The following UNK variants were observed in gnomAD, a reference collection of about 807,000 sequenced individuals.
The protein encoded by UNK is RING finger protein unkempt homolog.
In UNK, 32 loss-of-function variants were observed where a neutral mutation model predicts 97.6. The observed-to-expected ratio is 0.33, with a 90% CI of 0.25 to 0.44. The LOEUF (loss-of-function observed/expected upper bound fraction) is 0.44, where lower values mean the gene tolerates loss of function less well. Among genes scored for constraint, UNK ranks in the 20% least tolerant of loss-of-function variants. UNK has a pLI of 1.00. For synonymous variants in UNK, 441 were observed against 461.2 expected (o/e 0.96, Z 0.56); for missense variants, 771 against 1,098.4 (o/e 0.70, Z 4.21).
intron 1 of UNK, among the ~76,000 whole-genome samples, chr17:75,802,140 G>A (rs1316221939): frequency 1.3e-5 from 2 of 150,878 alleles, no homozygotes; most frequent in South Asian, 2.1e-4. Context: ...GAGCCACTGC[G>A]CCTGACCTAA....
intron 1 of UNK, chr17:75,809,105 C>T (rs1023267292): frequency 1.6e-3 from 3 of 1,850 alleles, no homozygotes; most frequent in South Asian, 0.053. Context: ...GGGGCGGGGG[C>T]GGGGGGGCGG....
chr17:75,801,283 T>TC (rs2061855386), intron 1 of UNK, among the ~76,000 whole-genome samples: 2 of 152,144 alleles, frequency 1.3e-5, no homozygotes, highest in Admixed American at 6.6e-5. Flanking sequence ...AAAATGCACT[T>TC]CAAGTATTTT....
chr17:75,820,134 G>A lies in UNK; in HGVS notation c.1837+26G>A, dbSNP rs750066051. 2.5e-6 allele frequency: 4 copies of A among 1,587,772 alleles called. No individual in the cohort carries two copies. In the African/African-American group the frequency reaches 5.4e-5, roughly 21 times the overall value. On this transcript the variant is annotated intron_variant, in intron 13 of 15. Coordinates refer to ENST00000589666, the MANE Select transcript of UNK (RefSeq NM_001080419.3). ...GTAAGAGAGGGAGTGGTTCACTCAG[G>A]AGAACTGGGGCAGGAACCTGCGCCT...
chr17:75,799,500 G>T (rs969825348), intron 1 of UNK, among the ~76,000 whole-genome samples: 3 of 152,188 alleles, frequency 2.0e-5, no homozygotes, highest in Non-Finnish European at 4.4e-5. Context: ...TAAGTCAGAG[G>T]TTGGAGTTGC....
intron 1 of UNK, among the ~76,000 whole-genome samples, chr17:75,788,671 A>T (rs1567791990): frequency 2.7e-5 from 4 of 149,866 alleles, no homozygotes; most frequent in African/African-American, 9.8e-5. Context: ...TTTATTTTTA[A>T]TTTTTTTTTT....
intron 1 of UNK, among the ~76,000 whole-genome samples, chr17:75,791,079 C>T (rs1430275457): frequency 2.6e-5 from 4 of 152,178 alleles, no homozygotes; most frequent in Admixed American, 1.3e-4. Flanking sequence ...TGACTGCAGT[C>T]GGTTCTCAGA....
intron 1 of UNK, chr17:75,792,520 A>G (rs1028420432): frequency 5.1e-6 from 5 of 977,956 alleles, no homozygotes; most frequent in African/African-American, 3.5e-5. Flanking sequence ...TAAAAATTAC[A>G]TTAGCCTAAT....
chr17:75,820,822 G>A (rs1040016851), intron 13 of UNK, among the ~76,000 whole-genome samples: 3 of 152,126 alleles, frequency 2.0e-5, no homozygotes, highest in South Asian at 4.2e-4. Context: ...CAGACACCAG[G>A]AGCTCCCTCC....
chr17:75,811,596 G>T (rs79505923), intron 2 of UNK, among the ~76,000 whole-genome samples: 2,053 of 152,330 alleles, frequency 0.013, 26 homozygotes, highest in Non-Finnish European at 0.021. Context: ...GCCCCATTTA[G>T]GCTGCAGGCA....
intron 13 of UNK, among the ~76,000 whole-genome samples, chr17:75,820,460 G>A (rs2062057024): frequency 6.6e-6 from 1 of 152,184 alleles, no homozygotes; most frequent in African/African-American, 2.4e-5. Flanking sequence ...GCATGGTTCT[G>A]TTCTGCCCAG....
intron 1 of UNK, among the ~76,000 whole-genome samples, chr17:75,786,057 T>A (rs570592179): frequency 6.6e-6 from 1 of 152,328 alleles, no homozygotes; most frequent in South Asian, 2.1e-4. Context: ...GAAACTGTTC[T>A]GGGGTTGGGG....
At position 75,809,917 on chromosome 17, in the gene UNK, G is replaced by C; in HGVS notation, c.262G>C (p.Val88Leu). 6.2e-7 allele frequency: 1 copy of C among 1,613,806 alleles called. No homozygotes were observed. Reference sequence around the variant, plus strand: ...CGGCACCTTCAATTACAGCCCTGACGTCTACTGCACCAAGTACGACGAGGC... The same window carrying C: ...CGGCACCTTCAATTACAGCCCTGACCTCTACTGCACCAAGTACGACGAGGC... Reference protein sequence around the residue: ...RDGTFNYSPDVYCTKYDEATG... With the variant: ...RDGTFNYSPDLYCTKYDEATG... The change falls in exon 2 of 16, where the codon GTC (valine) becomes CTC (leucine). Residue 88 changes from valine (V) to leucine (L), a missense_variant. Physicochemically the swap from Val to Leu is conservative, Grantham distance 32. This residue lies in a region of UNK where 246 missense variants were observed against 440.7 expected (regional missense o/e 0.56). Transcript: ENST00000589666.
chr17:75,790,503 G>C (rs2061754250), intron 1 of UNK, among the ~76,000 whole-genome samples: 1 of 151,850 alleles, frequency 6.6e-6, no homozygotes, highest in African/African-American at 2.4e-5. Context: ...GTGGTGGTGT[G>C]CATCTGTGGT....
rs1235366323 is a variant in UNK at position 75,817,575 on chromosome 17, G to A, written c.1305+49G>A. The stretch of plus-strand genomic sequence containing the variant: ...TGAGGTTAGCCTTCTCCTGCGTGGG[G>A]CAAGAGAATCTTGGAGGAGTGTCTT... On this transcript the variant is annotated intron_variant, in intron 9 of 15. Transcript: ENST00000589666. This position sits in a 1 kb window ranked among gnomAD's most constrained non-coding sequence, Gnocchi z 5.8. The A allele has an allele frequency of 6.6e-7, 1 of 1,520,702 alleles. No individual in the cohort carries two copies. Among genetic ancestry groups the A allele is most frequent in the Non-Finnish European group, 8.9e-7 (1 of 1,127,682 alleles). 94.2% of individuals were successfully genotyped at this position (1,520,702 alleles called of 1,614,324 possible). A position where few individuals can be genotyped will look rare whatever the true frequency, so the allele number is the denominator to read the frequency against.
intron 13 of UNK, chr17:75,821,877 C>G (rs1175197296): frequency 2.7e-6 from 1 of 367,404 alleles, no homozygotes; most frequent in Non-Finnish European, 5.4e-6. Flanking sequence ...AAAGCATAGG[C>G]CTTTGGAACC....
rs2062033629 is a variant in UNK at position 75,818,140 on chromosome 17, A to T, written c.1343A>T (p.Gln448Leu). The T allele has an allele frequency of 6.2e-7, 1 of 1,613,424 alleles. No homozygotes were observed. Among genetic ancestry groups the T allele is most frequent in the African/African-American group, 1.3e-5 (1 of 74,898 alleles). The stretch of plus-strand genomic sequence containing the variant: ...CCCCACTCATTAGAGCCCAGGAGTC[A>T]AGAGCAGCCTCTGCTTCAGCCCAAA... ...LKPHSLEPRS[Q>L]EQPLLQPKQD... The change falls in exon 10 of 16, where the codon CAA (glutamine) becomes CTA (leucine). Residue 448 changes from glutamine to leucine, a missense_variant. By Grantham distance (113) the Gln-to-Leu change is moderately radical. Transcript: ENST00000589666. The surrounding 1 kb of genome is among the most constrained non-coding windows in gnomAD (Gnocchi z 5.1).
rs762216333 is a variant in UNK, at chr17:75,817,419, G to A, written c.1198G>A (p.Val400Ile). ...IRKPPNLEGI[V>I]FPGESGLAPG... is the part of the protein sequence containing the mutation. ...GAAGCCCCCAAACCTGGAGGGCATC[G>A]TCTTCCCTGGGGAGTCTGGCCTGGC... is the stretch of plus-strand genomic sequence containing the variant. The change falls in exon 9 of 16, where the codon GTC (valine) becomes ATC (isoleucine). Residue 400 changes from valine to isoleucine, a missense_variant. By Grantham distance (29) the Val-to-Ile change is conservative. This residue lies in a region of UNK where 192 missense variants were observed against 202.4 expected (regional missense o/e 0.95). Transcript: ENST00000589666. This position sits in a 1 kb window ranked among gnomAD's most constrained non-coding sequence, Gnocchi z 5.8. 42 of 1,612,846 alleles carry A rather than the reference G, an allele frequency of 2.6e-5. 1 individual carries two copies. The highest frequency in any genetic ancestry group is 1.7e-4 in the Admixed American group (10 of 59,972).
At position 75,813,120 on chromosome 17, in the gene UNK, A is replaced by G. The variant is rs1472165625; in HGVS notation, c.665A>G (p.Lys222Arg). ...GGGAACTATAAGACGGAGCCTTGCAAGAAGCCCCCGCGGCTGTGCCGCCAA... is the reference window on the plus strand; with the variant it reads ...GGGAACTATAAGACGGAGCCTTGCAGGAAGCCCCCGCGGCTGTGCCGCCAA... ...VLGNYKTEPC[K>R]KPPRLCRQGY... Residue 222 changes from lysine to arginine, a missense_variant, in exon 5 of 16, where the codon AAG becomes AGG. Around this residue, in one of 5 missense-constraint regions of UNK, gnomAD observed 246 missense variants for 440.7 expected, o/e 0.56. Coordinates refer to ENST00000589666, the MANE Select transcript of UNK (RefSeq NM_001080419.3). 6.3e-7 allele frequency: 1 copy of G among 1,587,108 alleles called. No individual in the cohort carries two copies. Among genetic ancestry groups the G allele is most frequent in the East Asian group, 2.3e-5 (1 of 43,610 alleles).
Position 75,819,010 on chromosome 17 carries a change from T to TA in UNK, c.1546+195dup. On this transcript the variant is annotated intron_variant, in intron 11 of 15. Coordinates refer to ENST00000589666, the MANE Select transcript of UNK (RefSeq NM_001080419.3). The surrounding 1 kb of genome is among the most constrained non-coding windows in gnomAD (Gnocchi z 5.4). The stretch of plus-strand genomic sequence containing the variant: ...AAGGTGTAGGGCCAGGACTGACCCT[T>TA]AGAGCTCCTTTGTGCAAATTAGAAA... 1.7e-6 allele frequency: 1 copy of TA among 584,914 alleles called. No individual in the cohort carries two copies. The highest frequency in any genetic ancestry group is 2.8e-6 in the Non-Finnish European group (1 of 359,998). The allele number at this position is 584,914 out of a possible 1,614,324, so 36.2% of individuals were successfully genotyped here.
Sources: gnomAD v4.1 joint callset for allele counts (sites outside exome capture counted in the v4.1 genomes callset) on GRCh38, gnomAD v4.1.1 for gene constraint, gnomAD v4.1.1 regional missense constraint, Gnocchi (gnomAD v3.1) non-coding constraint, MANE v1.5 for transcripts, NCBI Gene and HGNC (gene_info 2026-07-23, HGNC 2026-07-21) for gene names.